Variants in RIN2 observed in about 807,000 individuals in gnomAD.
RIN2 encodes RAB5 interacting protein 2.
In RIN2, 36 loss-of-function variants were observed where a neutral mutation model predicts 78.0. The observed-to-expected ratio is 0.46, with a 90% CI of 0.35 to 0.61. The LOEUF is 0.61. Among genes scored for constraint, RIN2 ranks in the 20% least tolerant of loss-of-function variants. RIN2 has a pLI of 0.00. For missense variants in RIN2, 1,087 were observed against 1,159.7 expected (o/e 0.94, Z 0.91); for synonymous variants, 466 against 466.8 (o/e 1.00, Z 0.02).
intron 4 of RIN2, among the ~76,000 whole-genome samples, chr20:19,951,377 C>A (rs973731031): frequency 6.6e-6 from 1 of 152,098 alleles, no homozygotes; most frequent in African/African-American, 2.4e-5. Context: ...TTGTTTTCTC[C>A]TGTATACATT....
At chr20:19,905,257 G>A (rs552409158) in intron 3 of RIN2, among the ~76,000 whole-genome samples, 1 of 152,320 alleles carries the variant, frequency 6.6e-6, no homozygotes, top group African/African-American at 2.4e-5. Flanking sequence ...GAGGAGGATT[G>A]CAGACTCCTG....
At chr20:19,779,942 ATAT>A (rs1220576349) in intron 1 of RIN2, among the ~76,000 whole-genome samples, 1 of 152,238 alleles carries the variant, frequency 6.6e-6, no homozygotes, top group Non-Finnish European at 1.5e-5. Context: ...TAAAGAAGCG[ATAT>A]TATGGCTTCT....
chr20:19,885,764 A>G (rs1359311566), intron 2 of RIN2, among the ~76,000 whole-genome samples: 1 of 152,202 alleles, frequency 6.6e-6, no homozygotes, highest in Admixed American at 6.5e-5. Flanking sequence ...CTCAGAACAA[A>G]AAAAAGCATA....
At chr20:19,888,131 G>C (rs1305821340) in intron 2 of RIN2, among the ~76,000 whole-genome samples, 1 of 152,142 alleles carries the variant, frequency 6.6e-6, no homozygotes, top group Non-Finnish European at 1.5e-5. Flanking sequence ...ATCACAAGTG[G>C]AAAGAAACAC....
intron 2 of RIN2, among the ~76,000 whole-genome samples, chr20:19,808,350 C>G (rs76587653): frequency 6.6e-6 from 1 of 152,108 alleles, no homozygotes; most frequent in Non-Finnish European, 1.5e-5. Context: ...GAAGGGGAGT[C>G]GGGTGAAGGA....
intron 4 of RIN2, among the ~76,000 whole-genome samples, chr20:19,945,686 T>A (rs1175365798): frequency 6.6e-6 from 1 of 152,192 alleles, no homozygotes; most frequent in African/African-American, 2.4e-5. Flanking sequence ...TCTTATCATT[T>A]TTTTTTTCAC....
At chr20:19,909,896 G>A (rs1390218332) in intron 3 of RIN2, among the ~76,000 whole-genome samples, 8 of 152,150 alleles carry the variant, frequency 5.3e-5, no homozygotes, top group Admixed American at 2.0e-4. Flanking sequence ...ACCATGATGC[G>A]GCCATGCCTG....
chr20:19,933,427 C>A (rs777153314), intron 3 of RIN2, among the ~76,000 whole-genome samples: 2 of 152,178 alleles, frequency 1.3e-5, no homozygotes, highest in African/African-American at 2.4e-5. Flanking sequence ...CTTGCCCTGA[C>A]CAACCCGCCC....
At chr20:19,935,298 G>A (rs2040595132) in intron 4 of RIN2, 99 bp downstream of exon 4, 9 of 1,288,776 alleles carry the variant, frequency 7.0e-6, no homozygotes, top group Non-Finnish European at 9.5e-6. Flanking sequence ...AGAAGTCTGG[G>A]AGCTGGGAGT....
At chr20:19,849,299 C>A (rs189231495) in intron 2 of RIN2, among the ~76,000 whole-genome samples, 1 of 152,212 alleles carries the variant, frequency 6.6e-6, no homozygotes, top group East Asian at 1.9e-4. Context: ...CGATACTGAC[C>A]AACTATCAAG....
Position 19,956,816 on chromosome 20 carries a change from CAG to C in RIN2, c.351+11_351+12del. The C allele has an allele frequency of 6.5e-7, 1 of 1,548,728 alleles. No individual in the cohort carries two copies. The highest frequency in any genetic ancestry group is 8.7e-7 in the Non-Finnish European group (1 of 1,144,184). ...AGGCCCAGCCTCCGGGGGTAAGACT[CAG>C]AACCTCGGGAAGCAGGTTGAAGCAG... On this transcript the variant is annotated intron_variant, in intron 5 of 12. Coordinates refer to ENST00000255006, the MANE Select transcript of RIN2 (RefSeq NM_018993.4).
chr20:19,842,218 TTTG>T (rs1568804319), intron 2 of RIN2, among the ~76,000 whole-genome samples: 44 of 3,020 alleles, frequency 0.015, no homozygotes, highest in East Asian at 0.034. Flanking sequence ...GTTTTTTTTG[TTTG>T]TTTGTTTGTT....
intron 2 of RIN2, chr20:19,886,553 C>G (rs1471083955): frequency 1.6e-6 from 1 of 624,182 alleles, no homozygotes; most frequent in East Asian, 2.8e-5. Context: ...GGCTTGGCAG[C>G]TCCCAAATGT....
chr20:19,969,190 A>C (rs1344950016), intron 7 of RIN2, among the ~76,000 whole-genome samples: 1 of 152,194 alleles, frequency 6.6e-6, no homozygotes, highest in East Asian at 1.9e-4. Flanking sequence ...AATCTGGTTT[A>C]TCCAAGAATG....
chr20:19,991,955 G>C (rs2042809058), intron 10 of RIN2, among the ~76,000 whole-genome samples: 1 of 152,164 alleles, frequency 6.6e-6, no homozygotes, highest in South Asian at 2.1e-4. Context: ...TTGGTTCATA[G>C]ACATTCATTC....
chr20:19,981,867 G>C (rs189872515), intron 9 of RIN2, among the ~76,000 whole-genome samples: 1 of 152,350 alleles, frequency 6.6e-6, no homozygotes, highest in Admixed American at 6.5e-5. Context: ...TCCCTGCAGA[G>C]TGACAGGGTG....
At chr20:19,964,183 T>C (rs1249175847) in intron 6 of RIN2, among the ~76,000 whole-genome samples, 3 of 151,618 alleles carry the variant, frequency 2.0e-5, no homozygotes, top group Non-Finnish European at 2.9e-5. Context: ...TCTTCTGTGT[T>C]AGAAAATGTG....
At chr20:19,994,521 A>G (rs1265471111) in intron 11 of RIN2, among the ~76,000 whole-genome samples, 2 of 152,166 alleles carry the variant, frequency 1.3e-5, no homozygotes, top group East Asian at 1.9e-4. Context: ...TTGCATCCAC[A>G]TGTTTCAAAG....
intron 3 of RIN2, among the ~76,000 whole-genome samples, chr20:19,898,852 TA>T (rs1298453165): frequency 5.3e-5 from 8 of 152,200 alleles, no homozygotes; most frequent in African/African-American, 1.9e-4. Context: ...CTAGAAGTTT[TA>T]AAACCCTCTA....
Sources: allele counts gnomAD v4.1 joint callset (sites outside exome capture counted in the v4.1 genomes callset), GRCh38; gene constraint gnomAD v4.1.1; transcripts MANE v1.5; gene names NCBI Gene and HGNC (gene_info 2026-07-23, HGNC 2026-07-21).